The following ARHGAP20 variants were observed in gnomAD, a reference collection of about 807,000 sequenced individuals.
ARHGAP20 encodes Rho GTPase activating protein 20, also known as rho GTPase-activating protein 20.
ARHGAP20 carries 34 observed loss-of-function variants against 73.7 expected under a neutral mutation model. The observed-to-expected ratio is 0.46, with a 90% CI of 0.35 to 0.61. The LOEUF (loss-of-function observed/expected upper bound fraction) is 0.61, where lower values mean the gene tolerates loss of function less well. Ranked by LOEUF, ARHGAP20 falls within the 20% of genes least tolerant of loss-of-function variation. The pLI, the probability that ARHGAP20 is intolerant of heterozygous loss-of-function variation, is 0.00. For synonymous variants in ARHGAP20, 523 were observed against 518.2 expected, an observed-to-expected ratio of 1.01 and a Z score of -0.13; for missense variants, 1,314 against 1,420.9, an observed-to-expected ratio of 0.92 and a Z score of 1.21.
chr11:110,626,052 G>A (rs980182620), intron 3 of ARHGAP20, among the ~76,000 whole-genome samples: 1 of 152,004 alleles, frequency 6.6e-6, no homozygotes, highest in African/African-American at 2.4e-5. Context: ...TGGCATAATG[G>A]CTTCTTTCTA....
intron 9 of ARHGAP20, among the ~76,000 whole-genome samples, chr11:110,606,161 T>C (rs1159803705): frequency 6.6e-6 from 1 of 152,206 alleles, no homozygotes; most frequent in East Asian, 1.9e-4. Context: ...AGAATCCAGG[T>C]AGGGCATCAC....
intron 3 of ARHGAP20, among the ~76,000 whole-genome samples, chr11:110,626,472 T>C (rs187730405): frequency 1.9e-3 from 296 of 152,358 alleles, no homozygotes; most frequent in South Asian, 2.9e-3. Context: ...GTAAATACTT[T>C]ACACACATTA....
chr11:110,712,069 G>C (rs941669662), intron 1 of ARHGAP20, 58 bp downstream of exon 1: 6 of 1,250,604 alleles, frequency 4.8e-6, no homozygotes, highest in African/African-American at 4.7e-5. Context: ...CGGAGGGCGC[G>C]CGCCGGCAGT....
chr11:110,589,950 A>C (rs1426101008), intron 11 of ARHGAP20, among the ~76,000 whole-genome samples: 1 of 152,096 alleles, frequency 6.6e-6, no homozygotes, highest in Non-Finnish European at 1.5e-5. Context: ...GTGAAACCCC[A>C]TCTCTACTAA....
At chr11:110,638,704 C>A (rs1949018563) in intron 2 of ARHGAP20, among the ~76,000 whole-genome samples, 1 of 151,960 alleles carries the variant, frequency 6.6e-6, no homozygotes, top group African/African-American at 2.4e-5. Context: ...TTTGTAGGGA[C>A]ATGGAGGAAG....
At chr11:110,680,474 A>G (rs1950016938) in intron 2 of ARHGAP20, among the ~76,000 whole-genome samples, 1 of 152,192 alleles carries the variant, frequency 6.6e-6, no homozygotes, top group South Asian at 2.1e-4. Context: ...ATCTAGTTCA[A>G]TATAGTAAGG....
Position 110,579,297 on chromosome 11 carries a change from G to A in ARHGAP20, c.*73C>T. On this transcript the variant is annotated 3_prime_UTR_variant, in exon 15 of 15. Coordinates refer to ENST00000683387, the MANE Select transcript of ARHGAP20 (RefSeq NM_001384657.1). ...ACCTCTCCCAGGTATCTTATACAAA[G>A]GGGTCATAATAATTATTGTCTATTA... is the stretch of plus-strand genomic sequence containing the variant. The A allele has an allele frequency of 6.7e-7, 1 of 1,484,298 alleles. No homozygotes were observed. Among genetic ancestry groups the A allele is most frequent in the African/African-American group, 1.4e-5 (1 of 71,640 alleles). The allele number at this position is 1,484,298 out of a possible 1,614,324, so 91.9% of individuals were successfully genotyped here. A position where few individuals can be genotyped will look rare whatever the true frequency, so the allele number is the denominator to read the frequency against.
rs752266978 is a variant in ARHGAP20, at chr11:110,580,695, C to T, written c.2251G>A (p.Glu751Lys). ...DYLKQNQPLQ[E>K]EGKTCFKQSL... ...TGTTTAAAACATGTCTTTCCTTCCT[C>T]CTGGAGGGGTTGATTCTGCTTCAGA... Residue 751 changes from glutamate to lysine, a missense_variant, in exon 15 of 15, where the codon GAG becomes AAG. Physicochemically the swap from Glu to Lys is moderately conservative, Grantham distance 56. Coordinates refer to ENST00000683387, the MANE Select transcript of ARHGAP20 (RefSeq NM_001384657.1). 6.2e-7 allele frequency: 1 copy of T among 1,613,966 alleles called. No individual in the cohort carries two copies. The highest frequency in any genetic ancestry group is 1.1e-5 in the South Asian group (1 of 91,074).
rs759567157 is a variant in ARHGAP20, at chr11:110,621,186, T to C, written c.503+2976A>G. ...TTTCCTATTTGTACTACATTGTTTT[T>C]ATCTGACTGCTTTCAAGATCTTTCT... On this transcript the variant is annotated intron_variant, in intron 4 of 14. Coordinates refer to ENST00000683387, the MANE Select transcript of ARHGAP20 (RefSeq NM_001384657.1). Among the ~76,000 whole-genome samples, 14 of 152,102 alleles carry C rather than the reference T, an allele frequency of 9.2e-5. 1 individual carries two copies. The highest frequency in any genetic ancestry group is 1.3e-4 in the Non-Finnish European group (9 of 68,022).
chr11:110,600,427 G>A (rs1283505607), intron 9 of ARHGAP20, among the ~76,000 whole-genome samples: 10 of 152,220 alleles, frequency 6.6e-5, no homozygotes, highest in South Asian at 2.1e-4. Flanking sequence ...ATGCAGGCAC[G>A]TGCAGCTGTC....
intron 2 of ARHGAP20, among the ~76,000 whole-genome samples, chr11:110,659,634 C>T (rs1949553154): frequency 6.6e-6 from 1 of 151,890 alleles, no homozygotes; most frequent in African/African-American, 2.4e-5. Flanking sequence ...AAGTCCTTGC[C>T]CATGCCTATG....
At chr11:110,658,063 T>G (rs746992729) in intron 2 of ARHGAP20, among the ~76,000 whole-genome samples, 3 of 152,146 alleles carry the variant, frequency 2.0e-5, no homozygotes, top group Non-Finnish European at 4.4e-5. Flanking sequence ...AGTTTGAAAC[T>G]TGACCTACCA....
Position 110,708,726 on chromosome 11 carries a change from G to A in ARHGAP20, c.105+3401C>T, listed in dbSNP as rs148425063. Among the ~76,000 whole-genome samples the A allele has an allele frequency of 2.0e-5, 3 of 152,282 alleles. No homozygotes were observed. The East Asian group carries it at 5.8e-4, about 29-fold the overall frequency. ...ACAGATTAGTGGTTGCCTGGGAATG[G>A]GGAGGGAATTAAGGAATTAGAAAGG... On this transcript the variant is annotated intron_variant, in intron 1 of 14. Transcript: ENST00000683387.
At chr11:110,649,609 A>G (rs879416487) in intron 2 of ARHGAP20, among the ~76,000 whole-genome samples, 4 of 152,104 alleles carry the variant, frequency 2.6e-5, no homozygotes, top group African/African-American at 4.8e-5. Context: ...GGAAGACATC[A>G]GAAAAAACTT....
At position 110,580,233 on chromosome 11, in the gene ARHGAP20, T is replaced by C; in HGVS notation, c.2713A>G (p.Met905Val). ...CTACTCTTGCCCACCTCAATCCCCA[T>C]GACTAAACTCTGATTAATGAGCTTC... ...GQKLINQSLVMGIEVGKSSAT... is the reference protein window; with the variant it reads ...GQKLINQSLVVGIEVGKSSAT... The change falls in exon 15 of 15, where the codon ATG becomes GTG. Residue 905 changes from methionine (M) to valine (V), a missense_variant. Met to Val is a conservative substitution (Grantham distance 21). This residue lies in a region of ARHGAP20 where 641 missense variants were observed against 636.9 expected (regional missense o/e 1.01). Transcript: ENST00000683387. 4 of 1,614,224 alleles carry C rather than the reference T, an allele frequency of 2.5e-6. No individual in the cohort carries two copies. Among genetic ancestry groups the C allele is most frequent in the Non-Finnish European group, 3.4e-6 (4 of 1,180,036 alleles).
chr11:110,603,860 T>A (rs1235552393), intron 9 of ARHGAP20, among the ~76,000 whole-genome samples: 1 of 152,120 alleles, frequency 6.6e-6, no homozygotes, highest in Non-Finnish European at 1.5e-5. Context: ...TGTGAGAAAA[T>A]ATGTTTTCAA....
chr11:110,639,722 C>T (rs1476873584), intron 2 of ARHGAP20, among the ~76,000 whole-genome samples: 2 of 151,976 alleles, frequency 1.3e-5, no homozygotes, highest in Admixed American at 6.6e-5. Context: ...TTTCCATTAG[C>T]ATAAGGTATT....
At chr11:110,583,086 C>T (rs1031212814) in intron 13 of ARHGAP20, among the ~76,000 whole-genome samples, 3 of 152,186 alleles carry the variant, frequency 2.0e-5, no homozygotes, top group Non-Finnish European at 2.9e-5. Flanking sequence ...GAACTGATAT[C>T]CCCACACCCC....
At chr11:110,704,103 C>G (rs1192693217) in intron 1 of ARHGAP20, among the ~76,000 whole-genome samples, 1 of 152,152 alleles carries the variant, frequency 6.6e-6, no homozygotes, top group Non-Finnish European at 1.5e-5. Flanking sequence ...TGGTAAAAAT[C>G]AGACAGCCAT....
Sources: allele counts gnomAD v4.1 joint callset (sites outside exome capture counted in the v4.1 genomes callset), GRCh38; gene constraint gnomAD v4.1.1; regional missense constraint gnomAD v4.1.1; transcripts MANE v1.5; gene names NCBI Gene and HGNC (gene_info 2026-07-23, HGNC 2026-07-21).